The following DNAAF9 variants were observed in gnomAD, a reference collection of about 807,000 sequenced individuals.
DNAAF9 encodes the protein dynein axonemal assembly factor 9.
Under a neutral mutation model 167.0 loss-of-function variants are expected in DNAAF9, and 90 were observed. The ratio of observed to expected loss-of-function variants is 0.54; its 90% confidence interval spans 0.45 to 0.64. The LOEUF (loss-of-function observed/expected upper bound fraction) is 0.64. Among genes scored for constraint, DNAAF9 ranks in the 30% least tolerant of loss-of-function variants. DNAAF9 has a pLI of 0.00. For synonymous variants in DNAAF9, 491 were observed against 508.8 expected (o/e 0.96, Z 0.47); for missense variants, 1,315 against 1,442.2 (o/e 0.91, Z 1.43).
chr20:3,261,431 C>T (rs968738031), intron 31 of DNAAF9, among the ~76,000 whole-genome samples: 3 of 151,944 alleles, frequency 2.0e-5, no homozygotes, highest in African/African-American at 4.8e-5. Flanking sequence ...CGCAGTGGCA[C>T]GATCTCGGCT....
intron 27 of DNAAF9, among the ~76,000 whole-genome samples, chr20:3,287,317 AGAT>A (rs1316699859): frequency 6.6e-6 from 1 of 152,222 alleles, no homozygotes; most frequent in Non-Finnish European, 1.5e-5. Context: ...TCCCTTATTT[AGAT>A]GATGAATGAA....
intron 6 of DNAAF9, chr20:3,360,159 A>T (rs1418681114): frequency 1.3e-5 from 2 of 152,350 alleles, no homozygotes; most frequent in Admixed American, 6.5e-5. Flanking sequence ...TAATTTTTTT[A>T]AAAAAGAAGC....
At chr20:3,390,388 T>G (rs1035117984) in intron 1 of DNAAF9, among the ~76,000 whole-genome samples, 16 of 150,214 alleles carry the variant, frequency 1.1e-4, no homozygotes, top group African/African-American at 3.7e-4. Context: ...TTTTTTTTTT[T>G]GAAGTCTCAT....
intron 29 of DNAAF9, among the ~76,000 whole-genome samples, chr20:3,276,872 C>T (rs2068683367): frequency 6.6e-6 from 1 of 152,174 alleles, no homozygotes; most frequent in Admixed American, 6.5e-5. Flanking sequence ...GCAAACACTT[C>T]CTCAACTTCA....
At chr20:3,372,816 A>T (rs1321917120) in intron 6 of DNAAF9, among the ~76,000 whole-genome samples, 1 of 150,130 alleles carries the variant, frequency 6.7e-6, no homozygotes, top group Non-Finnish European at 1.5e-5. Flanking sequence ...GAGGGTTACT[A>T]TAAGAATGAA....
chr20:3,376,711 T>C (rs568321853), intron 3 of DNAAF9, among the ~76,000 whole-genome samples: 1 of 152,302 alleles, frequency 6.6e-6, no homozygotes. Context: ...GTCATATAGG[T>C]GGATTCAAAG....
chr20:3,280,361 G>A (rs1327759857), intron 28 of DNAAF9, among the ~76,000 whole-genome samples: 3 of 152,038 alleles, frequency 2.0e-5, no homozygotes, highest in South Asian at 4.2e-4. Context: ...TTGGAAGTTC[G>A]AGACCAGCCT....
At chr20:3,286,797 G>A (rs775601393) in intron 27 of DNAAF9, among the ~76,000 whole-genome samples, 39 of 152,138 alleles carry the variant, frequency 2.6e-4, no homozygotes, top group Non-Finnish European at 4.0e-4. Context: ...ATTCTTTACT[G>A]GAAACAACTA....
intron 10 of DNAAF9, among the ~76,000 whole-genome samples, chr20:3,339,550 T>G (rs1005047084): frequency 6.6e-6 from 1 of 152,216 alleles, no homozygotes; most frequent in African/African-American, 2.4e-5. Context: ...CCCTGTGAAC[T>G]CCATCTTAGA....
chr20:3,318,223 G>C, intron 17 of DNAAF9, 66 bp downstream of exon 17: 1 of 632,538 alleles, frequency 1.6e-6, no homozygotes, highest in Non-Finnish European at 2.7e-6. Context: ...TTAGTTTATA[G>C]TTTATTTTGC....
intron 3 of DNAAF9, among the ~76,000 whole-genome samples, chr20:3,379,535 C>A (rs1325429004): frequency 6.6e-6 from 1 of 151,828 alleles, no homozygotes; most frequent in Non-Finnish European, 1.5e-5. Context: ...CTGCAGTGAG[C>A]CAATATCACA....
chr20:3,361,811 C>T lies in DNAAF9; in HGVS notation c.613-2218G>A, dbSNP rs1406722291. The T allele has an allele frequency of 3.7e-6, 5 of 1,346,840 alleles. No homozygotes were observed. The Admixed American group carries it at 1.0e-4, about 28-fold the overall frequency. 83.4% of individuals were successfully genotyped at this position (1,346,840 alleles called of 1,614,324 possible). A position where few individuals can be genotyped will look rare whatever the true frequency, so the allele number is the denominator to read the frequency against. Reference sequence around the variant, plus strand: ...CAAGACATATCTAGAAAATTTACTACTGAAAAATGAAGACTGCTTAAATCG... The same window carrying T: ...CAAGACATATCTAGAAAATTTACTATTGAAAAATGAAGACTGCTTAAATCG... On this transcript the variant is annotated intron_variant, in intron 6 of 36. Coordinates refer to ENST00000252032, the MANE Select transcript of DNAAF9 (RefSeq NM_001009984.3).
chr20:3,298,860 A>G (rs1191015780), intron 21 of DNAAF9, among the ~76,000 whole-genome samples: 3 of 151,724 alleles, frequency 2.0e-5, no homozygotes, highest in African/African-American at 7.3e-5. Context: ...CCAGTATCAT[A>G]AAGATTTTCT....
At chr20:3,393,541 A>G (rs2083857908) in intron 1 of DNAAF9, among the ~76,000 whole-genome samples, 1 of 152,192 alleles carries the variant, frequency 6.6e-6, no homozygotes, top group Non-Finnish European at 1.5e-5. Context: ...TAAAAAATAA[A>G]TCAAATAAAA....
At chr20:3,404,319 A>T (rs1423078343) in intron 1 of DNAAF9, among the ~76,000 whole-genome samples, 1 of 152,148 alleles carries the variant, frequency 6.6e-6, no homozygotes, top group Non-Finnish European at 1.5e-5. Context: ...TACAGGCGTG[A>T]GCCACCGTGC....
intron 1 of DNAAF9, among the ~76,000 whole-genome samples, chr20:3,399,102 G>A (rs2083948715): frequency 6.6e-6 from 1 of 152,222 alleles, no homozygotes; most frequent in Admixed American, 6.5e-5. Flanking sequence ...GTACTTTCAT[G>A]TAGCTCACCA....
intron 6 of DNAAF9, chr20:3,362,195 T>C (rs1438870572): frequency 2.1e-6 from 3 of 1,435,584 alleles, no homozygotes; most frequent in Non-Finnish European, 2.9e-6. Context: ...CTTGTAAGTG[T>C]CATGTCTTCG....
At chr20:3,372,806 GAGGGTTACTA>G (rs2083528570) in intron 6 of DNAAF9, among the ~76,000 whole-genome samples, 1 of 136,108 alleles carries the variant, frequency 7.3e-6, no homozygotes, top group Admixed American at 7.3e-5. Context: ...ACCTACCTCA[GAGGGTTACTA>G]TAAGAATGAA....
At chr20:3,331,301 G>T (rs928635162) in intron 11 of DNAAF9, among the ~76,000 whole-genome samples, 1 of 152,072 alleles carries the variant, frequency 6.6e-6, no homozygotes, top group African/African-American at 2.4e-5. Flanking sequence ...TCAGTAAACA[G>T]GCTCAGTTCT....
Sources: gnomAD v4.1 joint callset for allele counts (sites outside exome capture counted in the v4.1 genomes callset) on GRCh38, gnomAD v4.1.1 for gene constraint, MANE v1.5 for transcripts, NCBI Gene and HGNC (gene_info 2026-07-23, HGNC 2026-07-21) for gene names.